Variants in SSH2 observed in about 807,000 individuals in gnomAD.
SSH2 encodes the protein protein phosphatase Slingshot homolog 2.
Under a neutral mutation model 135.2 loss-of-function variants are expected in SSH2, and 37 were observed. The ratio of observed to expected loss-of-function variants is 0.27; its 90% CI spans 0.21 to 0.36. The LOEUF (loss-of-function observed/expected upper bound fraction) is 0.36, where lower values mean the gene tolerates loss of function less well. Among genes scored for constraint, SSH2 ranks in the 10% least tolerant of loss-of-function variants. The probability of loss-of-function intolerance (pLI) is 1.00; values close to 1 mark genes in which losing one functional copy is unlikely to be tolerated. For synonymous variants in SSH2, 628 were observed against 646.2 expected, an observed-to-expected ratio of 0.97 and a Z score of 0.43; for missense variants, 1,408 against 1,765.3, an observed-to-expected ratio of 0.80 and a Z score of 3.63.
intron 3 of SSH2, among the ~76,000 whole-genome samples, chr17:29,741,689 C>T (rs973227701): frequency 7.4e-5 from 11 of 149,178 alleles, no homozygotes; most frequent in Non-Finnish European, 1.3e-4. Flanking sequence ...GATCTCAGCT[C>T]GTTGCAACCT....
At chr17:29,714,314 A>G (rs1231542890) in intron 3 of SSH2, among the ~76,000 whole-genome samples, 2 of 151,728 alleles carry the variant, frequency 1.3e-5, no homozygotes, top group Non-Finnish European at 2.9e-5. Flanking sequence ...AAAACTGTTC[A>G]GCATTTAAAA....
At position 29,667,117 on chromosome 17, in the gene SSH2, C is replaced by A. The variant is rs780914921; in HGVS notation, c.903+13G>T. On this transcript the variant is annotated intron_variant, in intron 10 of 15. Coordinates refer to ENST00000540801, the MANE Select transcript of SSH2 (RefSeq NM_001282129.2). The stretch of plus-strand genomic sequence containing the variant: ...GCTAGCCTTGGAACAAACAAGGACT[C>A]AAGGTCTCTTACCTCTTTGGATGTA... 6.2e-7 allele frequency: 1 copy of A among 1,608,372 alleles called. No homozygotes were observed. The highest frequency in any genetic ancestry group is 2.2e-5 in the East Asian group (1 of 44,870).
intron 2 of SSH2, among the ~76,000 whole-genome samples, chr17:29,825,837 T>C (rs2042732763): frequency 6.6e-6 from 1 of 152,186 alleles, no homozygotes; most frequent in Admixed American, 6.5e-5. Context: ...TCCTGCCACA[T>C]GATACGAAAC....
chr17:29,708,913 C>A lies in SSH2; in HGVS notation c.189-5851G>T, dbSNP rs1007527537. ...TCCTGACAGTGAAGTTCTCCAGAGTCTTTATAACTTAAAAACATCTATGCT... is the reference window on the plus strand; with the variant it reads ...TCCTGACAGTGAAGTTCTCCAGAGTATTTATAACTTAAAAACATCTATGCT... On this transcript the variant is annotated intron_variant, in intron 3 of 15. Transcript: ENST00000540801. 2.7e-5 allele frequency among the ~76,000 whole-genome samples: 4 copies of A among 149,518 alleles called. 1 individual carries two copies. Among genetic ancestry groups the A allele is most frequent in the Admixed American group, 2.0e-4 (3 of 14,944 alleles).
intron 3 of SSH2, among the ~76,000 whole-genome samples, chr17:29,721,776 T>C (rs1351296901): frequency 2.0e-5 from 3 of 152,114 alleles, no homozygotes; most frequent in African/African-American, 7.2e-5. Flanking sequence ...GTGTCCTTAT[T>C]CACCATTAAG....
intron 1 of SSH2, among the ~76,000 whole-genome samples, chr17:29,897,311 G>T (rs891217061): frequency 2.6e-5 from 4 of 152,036 alleles, no homozygotes; most frequent in African/African-American, 9.7e-5. Context: ...TGGCCTAAAT[G>T]CTCCAATTAA....
chr17:29,783,222 T>C (rs963896675), intron 3 of SSH2, among the ~76,000 whole-genome samples: 1 of 149,874 alleles, frequency 6.7e-6, no homozygotes, highest in Non-Finnish European at 1.5e-5. Context: ...AAAACCTTAT[T>C]TATTAGGGTT....
At chr17:29,883,597 AATG>A (rs1288520005) in intron 1 of SSH2, among the ~76,000 whole-genome samples, 10 of 152,196 alleles carry the variant, frequency 6.6e-5, no homozygotes, top group Admixed American at 1.3e-4. Context: ...TGGAGTAAAG[AATG>A]GTAATGTCAT....
chr17:29,868,396 C>G (rs954812073), intron 1 of SSH2, among the ~76,000 whole-genome samples: 1 of 152,116 alleles, frequency 6.6e-6, no homozygotes, highest in Non-Finnish European at 1.5e-5. Flanking sequence ...GGTTGCCAAG[C>G]GCCTTGGGGG....
At chr17:29,640,658 T>C (rs1011068397) in intron 14 of SSH2, 2 of 152,082 alleles carry the variant, frequency 1.3e-5, no homozygotes, top group Non-Finnish European at 2.9e-5. Flanking sequence ...ATTTTTGCAA[T>C]AGGACCTGGA....
chr17:29,770,101 T>TTTG (rs1240573826), intron 3 of SSH2, among the ~76,000 whole-genome samples: 7 of 147,652 alleles, frequency 4.7e-5, no homozygotes, highest in Non-Finnish European at 1.5e-5. Flanking sequence ...AGTTTTTTTT[T>TTTG]TTTTTTTTTT....
chr17:29,824,764 C>T (rs1270026407), intron 2 of SSH2, among the ~76,000 whole-genome samples: 1 of 152,170 alleles, frequency 6.6e-6, no homozygotes, highest in Non-Finnish European at 1.5e-5. Context: ...CACTTTACAA[C>T]TTTGAATTTA....
At chr17:29,821,970 T>C (rs2042660344) in intron 2 of SSH2, among the ~76,000 whole-genome samples, 1 of 152,140 alleles carries the variant, frequency 6.6e-6, no homozygotes, top group African/African-American at 2.4e-5. Flanking sequence ...AGAATATCTA[T>C]AAACCTTGGA....
At chr17:29,890,580 G>A (rs1298143232) in intron 1 of SSH2, among the ~76,000 whole-genome samples, 1 of 152,132 alleles carries the variant, frequency 6.6e-6, no homozygotes, top group Non-Finnish European at 1.5e-5. Flanking sequence ...GTCCAGAATA[G>A]GGAAGTTATA....
intron 2 of SSH2, among the ~76,000 whole-genome samples, chr17:29,812,552 G>C (rs1020640728): frequency 1.3e-5 from 2 of 152,074 alleles, no homozygotes; most frequent in African/African-American, 4.8e-5. Context: ...CCAAAGCACT[G>C]GGATTACAGG....
At chr17:29,841,141 G>A (rs1456378720) in intron 2 of SSH2, among the ~76,000 whole-genome samples, 1 of 152,136 alleles carries the variant, frequency 6.6e-6, no homozygotes, top group East Asian at 1.9e-4. Context: ...TGGCAAAGGG[G>A]GAAATAGTAC....
rs74700963 is a variant in SSH2, at chr17:29,841,080, A to G, written c.144+7769T>C. Among the ~76,000 whole-genome samples the G allele has an allele frequency of 5.3e-3, 808 of 152,318 alleles. 10 individuals are homozygous for G. The highest frequency in any genetic ancestry group is 8.4e-3 in the Non-Finnish European group (570 of 68,030). ...TCAGGAAAGTGGTTATTCCTGGTGT[A>G]TGATGGCTGGGAGGGTGAGTCAGTA... On this transcript the variant is annotated intron_variant, in intron 2 of 15. Transcript: ENST00000540801.
intron 2 of SSH2, among the ~76,000 whole-genome samples, chr17:29,798,041 C>A (rs532589955): frequency 1.9e-4 from 29 of 151,964 alleles, no homozygotes; most frequent in Non-Finnish European, 3.5e-4. Context: ...GCATTTACAC[C>A]GCTTTATACC....
At chr17:29,926,957 C>T (rs777667671) in intron 1 of SSH2, among the ~76,000 whole-genome samples, 1 of 152,172 alleles carries the variant, frequency 6.6e-6, no homozygotes, top group Admixed American at 6.5e-5. Flanking sequence ...AAGTTAGACA[C>T]ATCTGGGTTT....
Sources: allele counts gnomAD v4.1 joint callset (sites outside exome capture counted in the v4.1 genomes callset), GRCh38; gene constraint gnomAD v4.1.1; transcripts MANE v1.5; gene names NCBI Gene and HGNC (gene_info 2026-07-23, HGNC 2026-07-21).